The following SPEF2 variants were observed in gnomAD, a reference collection of about 807,000 sequenced individuals.
The protein encoded by SPEF2 is sperm flagellar and cilia associated 2.
A neutral mutation model predicts 224.6 loss-of-function variants in SPEF2; 187 were observed. That is an observed-to-expected ratio of 0.83 (90% CI 0.74 to 0.94). The LOEUF (loss-of-function observed/expected upper bound fraction) is 0.94, where lower values mean the gene tolerates loss of function less well. Ranked by LOEUF, SPEF2 falls within the 40% of genes least tolerant of loss-of-function variation. SPEF2 has a pLI of 0.00. For synonymous variants in SPEF2, 715 were observed against 707.3 expected, an observed-to-expected ratio of 1.01 and a Z score of -0.17; for missense variants, 2,170 against 2,135.6, an observed-to-expected ratio of 1.02 and a Z score of -0.32.
intron 10 of SPEF2, among the ~76,000 whole-genome samples, chr5:35,679,648 GCTT>G: frequency 6.6e-6 from 1 of 152,292 alleles, no homozygotes; most frequent in African/African-American, 2.4e-5. Flanking sequence ...GTCACAAACA[GCTT>G]CTGCTGTAGA....
At chr5:35,618,879 C>CT (rs61148577) in intron 1 of SPEF2, among the ~76,000 whole-genome samples, 5 of 149,006 alleles carry the variant, frequency 3.4e-5, no homozygotes, top group Admixed American at 2.0e-4. Flanking sequence ...GTCTTTTTTT[C>CT]TTTTTTTGCT....
At chr5:35,701,932 T>A (rs141713283) in intron 16 of SPEF2, among the ~76,000 whole-genome samples, 1,562 of 152,180 alleles carry the variant, frequency 0.01, 32 homozygotes, top group African/African-American at 0.036. Context: ...TGAGTCATGA[T>A]CACACCACAG....
At chr5:35,677,984 T>C (rs1440008310) in intron 10 of SPEF2, among the ~76,000 whole-genome samples, 2 of 152,186 alleles carry the variant, frequency 1.3e-5, no homozygotes, top group Admixed American at 1.3e-4. Flanking sequence ...TTGGATTGCA[T>C]TGTGAGGTGC....
At position 35,751,043 on chromosome 5, in the gene SPEF2, G is replaced by GTA. The variant is rs1306300327; in HGVS notation, c.3331-2570_3331-2569dup. Reference sequence around the variant, plus strand: ...TATATACGTATATATATACACATATGTATATATATATACGTATATATATGT... The same window carrying GTA: ...TATATACGTATATATATACACATATGTATATATATATATACGTATATATATGT... On this transcript the variant is annotated intron_variant, in intron 23 of 36. Coordinates refer to ENST00000356031, the MANE Select transcript of SPEF2 (RefSeq NM_024867.4). Among the ~76,000 whole-genome samples the GTA allele has an allele frequency of 1.9e-3, 53 of 27,692 alleles. 4 individuals carry two copies. Among genetic ancestry groups the GTA allele is most frequent in the African/African-American group, 2.8e-3 (25 of 9,060 alleles). The allele number at this position is 27,692 out of a possible 152,430, so 18.2% of individuals were successfully genotyped here.
At chr5:35,749,509 C>T (rs1248967510) in intron 23 of SPEF2, among the ~76,000 whole-genome samples, 19 of 151,846 alleles carry the variant, frequency 1.3e-4, no homozygotes, top group African/African-American at 3.4e-4. Flanking sequence ...GCAAAGTTTC[C>T]GGATACAAGA....
chr5:35,697,082 G>C lies in SPEF2; in HGVS notation c.2038-608G>C, dbSNP rs7725710. On this transcript the variant is annotated intron_variant, in intron 14 of 36. Coordinates refer to ENST00000356031, the MANE Select transcript of SPEF2 (RefSeq NM_024867.4). Reference sequence around the variant, plus strand: ...GAGAATTTTAGCAGGGTTTGGAATAGAGCCATACCATTTGACATAAAATTC... The same window carrying C: ...GAGAATTTTAGCAGGGTTTGGAATACAGCCATACCATTTGACATAAAATTC... Among the ~76,000 whole-genome samples the C allele has an allele frequency of 9.0e-3, 1,368 of 152,268 alleles. 17 individuals carry two copies. The highest frequency in any genetic ancestry group is 0.032 in the African/African-American group (1,331 of 41,544).
chr5:35,759,161 T>C (rs1010228410), intron 24 of SPEF2, among the ~76,000 whole-genome samples: 12 of 152,110 alleles, frequency 7.9e-5, no homozygotes, highest in African/African-American at 1.7e-4. Context: ...TAGTGTTTTT[T>C]GTTATCTCTC....
intron 21 of SPEF2, among the ~76,000 whole-genome samples, chr5:35,730,029 G>A (rs1745375140): frequency 6.6e-6 from 1 of 152,166 alleles, no homozygotes. Flanking sequence ...CAAGGAAGGG[G>A]AAGACAGATG....
intron 26 of SPEF2, among the ~76,000 whole-genome samples, chr5:35,767,606 A>G (rs1278801125): frequency 1.3e-5 from 2 of 152,094 alleles, no homozygotes; most frequent in African/African-American, 2.4e-5. Context: ...ATCCAAAAGA[A>G]GCAAAGAAAA....
intron 21 of SPEF2, among the ~76,000 whole-genome samples, chr5:35,736,312 A>G (rs1399616027): frequency 1.3e-5 from 2 of 152,246 alleles, no homozygotes; most frequent in Non-Finnish European, 2.9e-5. Context: ...TTGTTTTCAC[A>G]GTGCCATAAA....
chr5:35,710,479 C>A, intron 19 of SPEF2: 1 of 660,648 alleles, frequency 1.5e-6, no homozygotes, highest in Non-Finnish European at 1.9e-6. Flanking sequence ...ATTGCTTGAA[C>A]CTGAGAGGCG....
intron 36 of SPEF2, chr5:35,808,230 T>G (rs1186993305): frequency 1.2e-6 from 1 of 833,150 alleles, no homozygotes; most frequent in Admixed American, 6.2e-5. Flanking sequence ...ATTGCCTGTA[T>G]TAGTATAACT....
chr5:35,742,156 T>C (rs1561292151), intron 23 of SPEF2, among the ~76,000 whole-genome samples: 4 of 152,194 alleles, frequency 2.6e-5, no homozygotes, highest in African/African-American at 7.2e-5. Context: ...TACAACATCA[T>C]TTTTATGACT....
At chr5:35,643,976 G>A (rs1186631841) in intron 3 of SPEF2, among the ~76,000 whole-genome samples, 4 of 151,934 alleles carry the variant, frequency 2.6e-5, no homozygotes, top group African/African-American at 9.7e-5. Flanking sequence ...GCTAAGCAAT[G>A]GGAAGAATCT....
intron 1 of SPEF2, among the ~76,000 whole-genome samples, chr5:35,624,848 G>C (rs1179467462): frequency 2.0e-5 from 3 of 152,092 alleles, no homozygotes; most frequent in Non-Finnish European, 4.4e-5. Context: ...TATTGGCTAG[G>C]CTGGTCTCGA....
At chr5:35,798,627 CT>C (rs1177998117) in intron 33 of SPEF2, among the ~76,000 whole-genome samples, 2 of 151,776 alleles carry the variant, frequency 1.3e-5, no homozygotes, top group South Asian at 2.1e-4. Context: ...TTATCTTCTT[CT>C]TTTTTTTCAG....
chr5:35,627,424 A>AC (rs759818079), intron 1 of SPEF2, among the ~76,000 whole-genome samples: 2 of 151,696 alleles, frequency 1.3e-5, no homozygotes, highest in African/African-American at 4.8e-5. Context: ...ACATGGTGAA[A>AC]CCCCCCTCTC....
In SPEF2 at chr5:35,771,762, TA is replaced by T. The variant is rs1479924953; in HGVS notation, c.3949+7del. 6.3e-7 allele frequency: 1 copy of T among 1,586,530 alleles called. No homozygotes were observed. The highest frequency in any genetic ancestry group is 1.2e-5 in the South Asian group (1 of 84,828). ...GGAAGACAAAAAACCCAAAGGTATT[TA>T]TGGTTTTAGCACTCAGAACCCTGGA... On this transcript the variant is annotated splice_region_variant and intron_variant, in intron 27 of 36. Coordinates refer to ENST00000356031, the MANE Select transcript of SPEF2 (RefSeq NM_024867.4).
intron 23 of SPEF2, among the ~76,000 whole-genome samples, chr5:35,743,053 A>T (rs1747929832): frequency 6.6e-6 from 1 of 151,294 alleles, no homozygotes; most frequent in African/African-American, 2.4e-5. Context: ...ATGTGAGAAG[A>T]CTCTAAAATA....
Sources: allele counts gnomAD v4.1 joint callset (sites outside exome capture counted in the v4.1 genomes callset), GRCh38; gene constraint gnomAD v4.1.1; transcripts MANE v1.5; gene names NCBI Gene and HGNC (gene_info 2026-07-23, HGNC 2026-07-21).